Variants in ZMYND11 observed in about 807,000 individuals in gnomAD.
ZMYND11 encodes zinc finger MYND-type containing 11.
Under a neutral mutation model 84.9 loss-of-function variants are expected in ZMYND11, and 9 were observed. The observed-to-expected ratio is 0.11, with a 90% confidence interval of 0.06 to 0.18. The LOEUF is 0.18. Ranked by LOEUF, ZMYND11 falls within the 10% of genes least tolerant of loss-of-function variation. ZMYND11 has a pLI of 1.00. For missense variants in ZMYND11, 409 were observed against 761.0 expected, an observed-to-expected ratio of 0.54 and a Z score of 5.44; for synonymous variants, 250 against 244.1, an observed-to-expected ratio of 1.02 and a Z score of -0.23.
At chr10:146,356 A>AT (rs1319347489) in intron 1 of ZMYND11, among the ~76,000 whole-genome samples, 1 of 152,170 alleles carries the variant, frequency 6.6e-6, no homozygotes, top group African/African-American at 2.4e-5. Context: ...TATTTGAGCC[A>AT]TTTTTTGATT....
At chr10:172,444 T>G (rs538058451) in intron 1 of ZMYND11, among the ~76,000 whole-genome samples, 1 of 152,154 alleles carries the variant, frequency 6.6e-6, no homozygotes, top group African/African-American at 2.4e-5. Context: ...TCTATCACTT[T>G]CCTATTTATC....
chr10:148,470 G>A (rs1230112226), intron 1 of ZMYND11: 1 of 152,232 alleles, frequency 6.6e-6, no homozygotes, highest in Non-Finnish European at 1.5e-5. Flanking sequence ...AGAAGTCCTT[G>A]AGGTGTAAGA....
chr10:143,926 C>T (rs971638914), intron 1 of ZMYND11, among the ~76,000 whole-genome samples: 1 of 151,752 alleles, frequency 6.6e-6, no homozygotes, highest in East Asian at 1.9e-4. Flanking sequence ...ATCACTTGAG[C>T]CCAGGAGGCA....
At chr10:251,868 C>T (rs1358106146) in intron 14 of ZMYND11, among the ~76,000 whole-genome samples, 1 of 151,530 alleles carries the variant, frequency 6.6e-6, no homozygotes, top group Non-Finnish European at 1.5e-5. Context: ...AAGATGAAGA[C>T]TGAGACTTGG....
chr10:251,524 A>G (rs1452650565), intron 14 of ZMYND11, among the ~76,000 whole-genome samples: 5 of 152,166 alleles, frequency 3.3e-5, no homozygotes, highest in African/African-American at 7.2e-5. Flanking sequence ...GCATGTGTCT[A>G]TCTACAGAAC....
At chr10:181,053 A>G (rs1588702490) in intron 2 of ZMYND11, among the ~76,000 whole-genome samples, 1 of 152,250 alleles carries the variant, frequency 6.6e-6, no homozygotes, top group African/African-American at 2.4e-5. Context: ...GGAGTCTTCA[A>G]TTAGGAACTT....
intron 1 of ZMYND11, chr10:148,707 C>T (rs1429507419): frequency 6.6e-6 from 1 of 152,274 alleles, no homozygotes; most frequent in African/African-American, 2.4e-5. Context: ...CCAGGTAAGC[C>T]TCCCTGGGCT....
At chr10:250,187 G>A (rs955045810) in intron 14 of ZMYND11, among the ~76,000 whole-genome samples, 1 of 152,240 alleles carries the variant, frequency 6.6e-6, no homozygotes. Flanking sequence ...TCTGAGAGCT[G>A]CAGCCAACAT....
intron 1 of ZMYND11, among the ~76,000 whole-genome samples, chr10:151,260 C>T (rs186032244): frequency 6.6e-6 from 1 of 152,260 alleles, no homozygotes; most frequent in Admixed American, 6.5e-5. Context: ...GACGATCAAA[C>T]TTCTCCAAGC....
intron 1 of ZMYND11, among the ~76,000 whole-genome samples, chr10:176,042 A>G (rs1846540292): frequency 6.6e-6 from 1 of 152,218 alleles, no homozygotes; most frequent in African/African-American, 2.4e-5. Context: ...AAATATGTAT[A>G]TATCACCAAG....
chr10:190,122 A>G (rs1259328906), intron 2 of ZMYND11, among the ~76,000 whole-genome samples: 1 of 152,156 alleles, frequency 6.6e-6, no homozygotes, highest in Non-Finnish European at 1.5e-5. Flanking sequence ...AAAGTAAAAC[A>G]CAGTCATTTT....
intron 1 of ZMYND11, among the ~76,000 whole-genome samples, chr10:154,680 A>G (rs1554758182): frequency 6.6e-6 from 1 of 152,244 alleles, no homozygotes; most frequent in Non-Finnish European, 1.5e-5. Context: ...CGATGTAGGT[A>G]AAATAGCTAC....
chr10:202,266 G>A (rs1054040186), intron 2 of ZMYND11, among the ~76,000 whole-genome samples: 5 of 151,958 alleles, frequency 3.3e-5, no homozygotes, highest in South Asian at 4.2e-4. Context: ...GTTCTGGCTC[G>A]GTTCTAACCT....
intron 2 of ZMYND11, among the ~76,000 whole-genome samples, chr10:194,164 T>C (rs927110717): frequency 2.7e-5 from 4 of 146,780 alleles, no homozygotes; most frequent in Non-Finnish European, 6.0e-5. Context: ...TTTGAATTTT[T>C]TTTTTGGTAG....
chr10:188,514 G>A (rs568174975), intron 2 of ZMYND11, among the ~76,000 whole-genome samples: 10 of 150,938 alleles, frequency 6.6e-5, no homozygotes, highest in African/African-American at 2.4e-4. Context: ...GATGGCTTGA[G>A]CCTGGAAGGT....
At chr10:148,092 G>A (rs1839348471) in intron 1 of ZMYND11, 1 of 152,390 alleles carries the variant, frequency 6.6e-6, no homozygotes, top group Non-Finnish European at 1.5e-5. Context: ...TATCCCTGGT[G>A]TTTATCTGGA....
intron 1 of ZMYND11, among the ~76,000 whole-genome samples, chr10:178,982 A>G (rs532596128): frequency 1.3e-5 from 2 of 152,284 alleles, no homozygotes; most frequent in South Asian, 2.1e-4. Flanking sequence ...TCCCTCCCTC[A>G]TTCTCTAAAC....
chr10:185,823 A>AC (rs1261132652), intron 2 of ZMYND11, among the ~76,000 whole-genome samples: 69 of 150,822 alleles, frequency 4.6e-4, no homozygotes, highest in Middle Eastern at 6.8e-3. Context: ...CAAAAAAACA[A>AC]AAAAACAAAA....
At chr10:196,135 GT>G (rs1434247057) in intron 2 of ZMYND11, among the ~76,000 whole-genome samples, 5 of 152,160 alleles carry the variant, frequency 3.3e-5, no homozygotes, top group Non-Finnish European at 5.9e-5. Flanking sequence ...TAAGTCAGCT[GT>G]TTCTTTTTGG....
Sources: allele counts gnomAD v4.1 joint callset (sites outside exome capture counted in the v4.1 genomes callset), GRCh38; gene constraint gnomAD v4.1.1; transcripts MANE v1.5; gene names NCBI Gene and HGNC (gene_info 2026-07-23, HGNC 2026-07-21).